The following FAM13A variants were observed in gnomAD, a reference collection of about 807,000 sequenced individuals.
The protein encoded by FAM13A is family with sequence similarity 13 member A.
Under a neutral mutation model 129.6 loss-of-function variants are expected in FAM13A, and 76 were observed. The ratio of observed to expected loss-of-function variants is 0.59; its 90% CI spans 0.49 to 0.71. FAM13A has a LOEUF of 0.71. Among genes scored for constraint, FAM13A ranks in the 30% least tolerant of loss-of-function variants. The pLI is 0.00. For synonymous variants in FAM13A, 443 were observed against 449.9 expected, an observed-to-expected ratio of 0.98 and a Z score of 0.20; for missense variants, 1,108 against 1,249.3, an observed-to-expected ratio of 0.89 and a Z score of 1.70.
intron 6 of FAM13A, among the ~76,000 whole-genome samples, chr4:88,863,315 C>T (rs1319801265): frequency 1.3e-5 from 2 of 152,036 alleles, no homozygotes; most frequent in African/African-American, 4.8e-5. Context: ...CTTTGGAGAG[C>T]TTCCAGGTTG....
intron 4 of FAM13A, among the ~76,000 whole-genome samples, chr4:88,944,903 CA>C (rs35402009): frequency 0.13 from 18,039 of 137,238 alleles, 1,313 homozygotes; most frequent in East Asian, 0.17. Context: ...AACTCTGTCT[CA>C]AAAAAAAAAA....
chr4:88,728,890 C>G, intron 23 of FAM13A: 1 of 418,828 alleles, frequency 2.4e-6, no homozygotes, highest in Non-Finnish European at 4.3e-6. Flanking sequence ...AATCTGGCAT[C>G]CTGTATGATA....
intron 5 of FAM13A, among the ~76,000 whole-genome samples, chr4:88,929,853 T>C (rs1366537505): frequency 6.6e-6 from 1 of 152,154 alleles, no homozygotes; most frequent in Non-Finnish European, 1.5e-5. Context: ...TCCTCCCACC[T>C]TGGCCTCTTG....
chr4:88,915,213 T>C (rs1413851295), intron 5 of FAM13A, among the ~76,000 whole-genome samples: 2 of 152,218 alleles, frequency 1.3e-5, no homozygotes, highest in African/African-American at 4.8e-5. Context: ...CATAGAAGTC[T>C]CTTCTGCAAT....
intron 22 of FAM13A, chr4:88,731,799 C>G: frequency 1.9e-6 from 1 of 537,432 alleles, no homozygotes; most frequent in Non-Finnish European, 3.2e-6. Context: ...GTTGTTTAAA[C>G]AAGACTCAAA....
At chr4:88,737,772 G>C in intron 20 of FAM13A, 1 of 564,528 alleles carries the variant, frequency 1.8e-6, no homozygotes, top group South Asian at 2.0e-5. Context: ...AAGGAGGACA[G>C]AGTACAGCAA....
intron 11 of FAM13A, among the ~76,000 whole-genome samples, chr4:88,779,654 C>G (rs1489559250): frequency 2.0e-5 from 3 of 152,142 alleles, no homozygotes; most frequent in African/African-American, 4.8e-5. Context: ...GGGGCAAATT[C>G]TTTCACATAA....
At chr4:88,844,195 C>T (rs570619451) in intron 7 of FAM13A, among the ~76,000 whole-genome samples, 1 of 152,298 alleles carries the variant, frequency 6.6e-6, no homozygotes, top group Admixed American at 6.5e-5. Context: ...CACAGTCTCT[C>T]TTCTTCAGAA....
chr4:88,760,603 C>CAAAAAAAAAAAAAAAAAAAAAAA (rs745711965), intron 13 of FAM13A, among the ~76,000 whole-genome samples: 2 of 65,840 alleles, frequency 3.0e-5, no homozygotes, highest in Non-Finnish European at 2.6e-5. Flanking sequence ...GACTCCGTCT[C>CAAAAAAAAAAAAAAAAAAAAAAA]AAAAAAAAAA....
intron 6 of FAM13A, among the ~76,000 whole-genome samples, chr4:88,899,924 T>C (rs1157887040): frequency 6.6e-6 from 1 of 152,058 alleles, no homozygotes; most frequent in Admixed American, 6.6e-5. Flanking sequence ...AACAGCCAGT[T>C]TAGAGAGGAA....
chr4:88,851,061 C>T lies in FAM13A; in HGVS notation c.966G>A (p.Met322Ile), dbSNP rs757652356. Residue 322 changes from methionine to isoleucine, a missense_variant, in exon 7 of 24, where the codon ATG (methionine) becomes ATA (isoleucine). Met to Ile is a conservative substitution (Grantham distance 10). Coordinates refer to ENST00000264344, the MANE Select transcript of FAM13A (RefSeq NM_014883.4). ...LSYRKACLED[M>I]NSAEGAISAK... ...CACTAATAGCACCCTCTGCTGAATT[C>T]ATGTCTTCCAAGCAGGCTTTTCTAT... 27 of 1,613,916 alleles carry T rather than the reference C, an allele frequency of 1.7e-5. No individual in the cohort carries two copies. Among genetic ancestry groups the T allele is most frequent in the Non-Finnish European group, 4.2e-6 (5 of 1,180,002 alleles).
At chr4:88,974,115 C>T (rs889908356) in intron 4 of FAM13A, among the ~76,000 whole-genome samples, 1 of 152,292 alleles carries the variant, frequency 6.6e-6, no homozygotes, top group Middle Eastern at 3.4e-3. Context: ...CTGTGAGAAT[C>T]GGGTAGAGTT....
intron 6 of FAM13A, among the ~76,000 whole-genome samples, chr4:88,859,525 G>A (rs1463553206): frequency 1.3e-5 from 2 of 152,164 alleles, no homozygotes; most frequent in African/African-American, 4.8e-5. Context: ...AGCAAGCAAG[G>A]TCATCCTCTG....
chr4:89,031,726 C>T (rs1232335526), intron 1 of FAM13A, among the ~76,000 whole-genome samples: 2 of 152,162 alleles, frequency 1.3e-5, no homozygotes, highest in East Asian at 3.8e-4. Context: ...AAAAGGGAAA[C>T]ATGGTTGAGA....
chr4:88,790,638 G>A lies in FAM13A; in HGVS notation c.1050-11C>T. The A allele has an allele frequency of 6.2e-7, 1 of 1,608,808 alleles. No individual in the cohort carries two copies. Among genetic ancestry groups the A allele is most frequent in the Non-Finnish European group, 8.5e-7 (1 of 1,177,014 alleles). On this transcript the variant is annotated splice_polypyrimidine_tract_variant and intron_variant, in intron 8 of 23. Coordinates refer to ENST00000264344, the MANE Select transcript of FAM13A (RefSeq NM_014883.4). Reference sequence around the variant, plus strand: ...TGGGGTACATGAGCACTGCAGAAAAGAAGCAAAGAGAAAGTCAGGTTAGAT... The same window carrying A: ...TGGGGTACATGAGCACTGCAGAAAAAAAGCAAAGAGAAAGTCAGGTTAGAT...
At chr4:88,959,078 T>C (rs556139897) in intron 4 of FAM13A, among the ~76,000 whole-genome samples, 1 of 152,376 alleles carries the variant, frequency 6.6e-6, no homozygotes, top group South Asian at 2.1e-4. Flanking sequence ...CCCCATTGTA[T>C]CTTGAAATTA....
At chr4:88,746,696 T>G (rs1352123465) in intron 19 of FAM13A, among the ~76,000 whole-genome samples, 2 of 152,180 alleles carry the variant, frequency 1.3e-5, no homozygotes, top group Non-Finnish European at 2.9e-5. Flanking sequence ...AAATTTTAGT[T>G]GCAAACCAAT....
At chr4:88,838,528 G>C (rs1007053074) in intron 7 of FAM13A, among the ~76,000 whole-genome samples, 8 of 151,940 alleles carry the variant, frequency 5.3e-5, no homozygotes, top group Non-Finnish European at 1.5e-5. Flanking sequence ...ACGAGGTCAG[G>C]AGATGGAGAC....
intron 19 of FAM13A, among the ~76,000 whole-genome samples, chr4:88,742,411 T>TCACCCA (rs988490250): frequency 6.6e-6 from 1 of 152,212 alleles, no homozygotes; most frequent in African/African-American, 2.4e-5. Context: ...TCTGACAAAA[T>TCACCCA]CCAGTGTTTT....
Sources: gnomAD v4.1 joint callset for allele counts (sites outside exome capture counted in the v4.1 genomes callset) on GRCh38, gnomAD v4.1.1 for gene constraint, MANE v1.5 for transcripts, NCBI Gene and HGNC (gene_info 2026-07-23, HGNC 2026-07-21) for gene names.